EXOC1: variants seen among roughly 807,000 people sequenced by gnomAD.
EXOC1 encodes the protein SEC3-like 1.
EXOC1 carries 67 observed loss-of-function variants against 107.7 expected under a neutral mutation model. That is an observed-to-expected ratio of 0.62 (90% confidence interval 0.51 to 0.76). EXOC1 has a LOEUF of 0.76. Ranked by LOEUF, EXOC1 falls within the 30% of genes least tolerant of loss-of-function variation. EXOC1 has a pLI of 0.00. For missense variants in EXOC1, 833 were observed against 1,055.7 expected, an observed-to-expected ratio of 0.79 and a Z score of 2.92; for synonymous variants, 348 against 353.5, an observed-to-expected ratio of 0.98 and a Z score of 0.17.
In EXOC1 at chr4:55,868,446, G is replaced by A; in HGVS notation, c.526G>A (p.Glu176Lys). ...REEQDIEIMM[E>K]GCEYAISNAE... ...AGAACAGGATATCGAAATAATGATG[G>A]AAGGCTGTGAATATGCAATCTCGAA... The change falls in exon 5 of 19, where the codon GAA (glutamate) becomes AAA (lysine). Residue 176 changes from glutamate to lysine, a missense_variant. By Grantham distance (56) the Glu-to-Lys change is moderately conservative. Around this residue, in one of 2 missense-constraint regions of EXOC1, gnomAD observed 617 missense variants for 701.3 expected, o/e 0.88. Transcript: ENST00000381295. 1 of 1,613,770 alleles carries A rather than the reference G, an allele frequency of 6.2e-7. No homozygotes were observed. Among genetic ancestry groups the A allele is most frequent in the Non-Finnish European group, 8.5e-7 (1 of 1,179,782 alleles).
At chr4:55,878,916 C>T (rs1174984118) in intron 9 of EXOC1, among the ~76,000 whole-genome samples, 1 of 152,030 alleles carries the variant, frequency 6.6e-6, no homozygotes, top group Non-Finnish European at 1.5e-5. Context: ...AATTAAGAAC[C>T]TAAAGTAATA....
chr4:55,871,737 AC>A lies in EXOC1; in HGVS notation c.965-109del, dbSNP rs1367544257. 4 of 795,144 alleles carry A rather than the reference AC, an allele frequency of 5.0e-6. No individual in the cohort carries two copies. In the African/African-American group the frequency reaches 5.2e-5, roughly 10 times the overall value. 49.3% of individuals were successfully genotyped at this position (795,144 alleles called of 1,614,324 possible). On this transcript the variant is annotated intron_variant, in intron 7 of 18. Transcript: ENST00000381295. ...TAACTTTTATCATGTAAATGAATAC[AC>A]CCATAAAACTTTTGGGTTCTTCAAA... is the stretch of plus-strand genomic sequence containing the variant.
chr4:55,896,739 A>T lies in EXOC1; in HGVS notation c.1976A>T (p.Glu659Val). 1.2e-6 allele frequency: 2 copies of T among 1,606,370 alleles called. No individual in the cohort carries two copies. The highest frequency in any genetic ancestry group is 2.2e-5 in the South Asian group (2 of 89,096). ...KCISNQIRQM[E>V]EVKISKKSKV... ...TAGAGTAACCAAATAAGGCAAATGGAAGAAGTAAAGATCTCAAAAAAGAGT... is the reference window on the plus strand; with the variant it reads ...TAGAGTAACCAAATAAGGCAAATGGTAGAAGTAAAGATCTCAAAAAAGAGT... Residue 659 changes from glutamate (E) to valine (V), a missense_variant, in exon 16 of 19, where the codon GAA (glutamate) becomes GTA (valine). Physicochemically the swap from Glu to Val is moderately radical, Grantham distance 121. Transcript: ENST00000381295.
chr4:55,899,424 A>C (rs1340995672), intron 16 of EXOC1, among the ~76,000 whole-genome samples: 1 of 152,104 alleles, frequency 6.6e-6, no homozygotes, highest in East Asian at 1.9e-4. Context: ...CACATTTTGA[A>C]TAATTCATCA....
intron 9 of EXOC1, 128 bp downstream of exon 9, chr4:55,878,194 T>A: frequency 9.6e-7 from 1 of 1,036,900 alleles, no homozygotes; most frequent in Non-Finnish European, 1.4e-6. Context: ...AATGAGTCAG[T>A]GCTCTTTACC....
Position 55,892,812 on chromosome 4 carries a change from A to C in EXOC1, c.1724+101A>C. On this transcript the variant is annotated intron_variant, in intron 14 of 18. Coordinates refer to ENST00000381295, the MANE Select transcript of EXOC1 (RefSeq NM_001024924.2). ...TCTAGATGTTTCTCAGTAGCCTGAC[A>C]GCACTCACAGTACCAGCATGTGTGT... The C allele has an allele frequency of 2.9e-6, 3 of 1,032,518 alleles. No homozygotes were observed. In the South Asian group the frequency reaches 4.1e-5, roughly 14 times the overall value. The allele number at this position is 1,032,518 out of a possible 1,614,324, so 64.0% of individuals were successfully genotyped here.
At chr4:55,877,739 C>T in intron 8 of EXOC1, 178 bp from the exon 9 acceptor site, 1 of 985,054 alleles carries the variant, frequency 1.0e-6, no homozygotes, top group Non-Finnish European at 1.2e-6. Flanking sequence ...ATTTGATATA[C>T]ACAGGATATA....
In EXOC1 at chr4:55,904,334, T is replaced by A. The variant is rs762529630; in HGVS notation, c.2533-9T>A. 28 of 1,581,656 alleles carry A rather than the reference T, an allele frequency of 1.8e-5. No individual in the cohort carries two copies. The highest frequency in any genetic ancestry group is 2.1e-5 in the Non-Finnish European group (25 of 1,167,612). On this transcript the variant is annotated splice_polypyrimidine_tract_variant and intron_variant, in intron 18 of 18. Transcript: ENST00000381295. ...TTCATAGCCTAATGACTTTTTTTTT[T>A]AATAATAGGTGGTGTGGCACTCCAT...
Position 55,899,929 on chromosome 4 carries a change from A to G in EXOC1, c.2337+45A>G, listed in dbSNP as rs1251332413. On this transcript the variant is annotated intron_variant, in intron 17 of 18. Transcript: ENST00000381295. The stretch of plus-strand genomic sequence containing the variant: ...GTATTTTTCCTACTTTTGAACCTAT[A>G]CACATAAGTTTGCATATGAATAACC... 6.6e-6 allele frequency: 10 copies of G among 1,515,332 alleles called. No homozygotes were observed. In the South Asian group the frequency reaches 1.2e-4, roughly 18 times the overall value. The allele number at this position is 1,515,332 out of a possible 1,614,324, so 93.9% of individuals were successfully genotyped here.
intron 15 of EXOC1, among the ~76,000 whole-genome samples, chr4:55,894,838 T>A (rs1295569179): frequency 6.6e-6 from 1 of 151,980 alleles, no homozygotes; most frequent in Non-Finnish European, 1.5e-5. Context: ...GTCATGCTGG[T>A]CTCAAACTCC....
rs114542553 is a variant in EXOC1 at position 55,893,418 on chromosome 4, C to G, written c.1725-134C>G. The stretch of plus-strand genomic sequence containing the variant: ...TACAGGCGTGAGCCACCACGCCTGG[C>G]TATTTAGACATTTTTAATTGAAATT... On this transcript the variant is annotated intron_variant, in intron 14 of 18. Transcript: ENST00000381295. 6 of 823,832 alleles carry G rather than the reference C, an allele frequency of 7.3e-6. No individual in the cohort carries two copies. The East Asian group carries it at 1.6e-4, about 22-fold the overall frequency. The allele number at this position is 823,832 out of a possible 1,614,324, so 51.0% of individuals were successfully genotyped here. A position where few individuals can be genotyped will look rare whatever the true frequency, so the allele number is the denominator to read the frequency against.
At chr4:55,870,393 A>T (rs1475123510) in intron 5 of EXOC1, among the ~76,000 whole-genome samples, 1 of 152,232 alleles carries the variant, frequency 6.6e-6, no homozygotes, top group Non-Finnish European at 1.5e-5. Context: ...TTACTTGTGC[A>T]TTCTGGAACC....
chr4:55,890,630 G>T (rs1226406734), intron 12 of EXOC1, among the ~76,000 whole-genome samples: 3 of 151,876 alleles, frequency 2.0e-5, no homozygotes, highest in East Asian at 1.9e-4. Flanking sequence ...ATCATAAAAT[G>T]CTTATATCTC....
At chr4:55,865,374 G>T (rs1386425695) in intron 4 of EXOC1, among the ~76,000 whole-genome samples, 1 of 152,178 alleles carries the variant, frequency 6.6e-6, no homozygotes, top group African/African-American at 2.4e-5. Flanking sequence ...TTTTAGGCTT[G>T]ATGCTTGGCA....
chr4:55,885,527 A>T (rs1277179973), intron 10 of EXOC1: 1 of 152,178 alleles, frequency 6.6e-6, no homozygotes, highest in Admixed American at 6.5e-5. Context: ...CATATCTTCT[A>T]TTAAATGTGT....
intron 9 of EXOC1, 150 bp downstream of exon 9, chr4:55,878,216 T>A: frequency 1.1e-6 from 1 of 902,190 alleles, no homozygotes; most frequent in Non-Finnish European, 1.6e-6. Context: ...GTGATAACAT[T>A]CATTTTATTA....
chr4:55,889,965 C>G (rs1724323681), intron 11 of EXOC1, among the ~76,000 whole-genome samples: 1 of 152,160 alleles, frequency 6.6e-6, no homozygotes, highest in South Asian at 2.1e-4. Context: ...AGACAATATG[C>G]TCCTTAAGGT....
intron 5 of EXOC1, among the ~76,000 whole-genome samples, chr4:55,869,304 T>G (rs1355868211): frequency 6.6e-6 from 1 of 152,090 alleles, no homozygotes; most frequent in African/African-American, 2.4e-5. Context: ...AGACAGAGGT[T>G]GCCGTGAACT....
At chr4:55,875,427 A>G in intron 8 of EXOC1, 1 of 982,232 alleles carries the variant, frequency 1.0e-6, no homozygotes, top group Non-Finnish European at 1.2e-6. Context: ...AATCTTGAAA[A>G]TTTATTCAAA....
Sources: allele counts gnomAD v4.1 joint callset (sites outside exome capture counted in the v4.1 genomes callset), GRCh38; gene constraint gnomAD v4.1.1; regional missense constraint gnomAD v4.1.1; transcripts MANE v1.5; gene names NCBI Gene and HGNC (gene_info 2026-07-23, HGNC 2026-07-21).